BMAL1: variants seen among roughly 807,000 people sequenced by gnomAD.
BMAL1 encodes basic helix-loop-helix ARNT like 1.
At chr11:13,351,567 G>A in the BMAL1 span, among the ~76,000 whole-genome samples, 1 of 152,202 alleles carries the variant, frequency 6.6e-6, no homozygotes, top group African/African-American at 2.4e-5. Flanking sequence ...TAGAGCCCCT[G>A]GAGAGTGTGT....
the BMAL1 span, among the ~76,000 whole-genome samples, chr11:13,334,097 G>A: frequency 6.6e-6 from 1 of 152,124 alleles, no homozygotes; most frequent in Non-Finnish European, 1.5e-5. Context: ...CATATGAGGT[G>A]AGCCCTGTCA....
chr11:13,367,529 C>T, the BMAL1 span, among the ~76,000 whole-genome samples: 10 of 152,050 alleles, frequency 6.6e-5, no homozygotes, highest in African/African-American at 1.4e-4. Flanking sequence ...GGCAAAACCC[C>T]GTCTCTACTA....
the BMAL1 span, chr11:13,387,031 T>C: frequency 9.8e-6 from 3 of 306,088 alleles, no homozygotes; most frequent in African/African-American, 2.1e-5. Context: ...TTGTGTTGAA[T>C]TTTTTAATCA....
At chr11:13,281,895 T>C in the BMAL1 span, among the ~76,000 whole-genome samples, 1 of 152,230 alleles carries the variant, frequency 6.6e-6, no homozygotes, top group Non-Finnish European at 1.5e-5. Flanking sequence ...TTCTTGATTC[T>C]CTTCCTGCAC....
chr11:13,302,314 A>C, the BMAL1 span, among the ~76,000 whole-genome samples: 5 of 152,148 alleles, frequency 3.3e-5, no homozygotes, highest in African/African-American at 7.2e-5. Flanking sequence ...GTGGTGTCCT[A>C]TCCTGGCTGC....
the BMAL1 span, among the ~76,000 whole-genome samples, chr11:13,345,585 G>C: frequency 6.6e-6 from 1 of 152,080 alleles, no homozygotes; most frequent in African/African-American, 2.4e-5. Flanking sequence ...TACTTTGGGG[G>C]GTGGTTTTTG....
At chr11:13,386,612 A>C in the BMAL1 span, 154 of 1,613,036 alleles carry the variant, frequency 9.5e-5, 3 homozygotes, top group South Asian at 6.4e-4. Flanking sequence ...ACCCCCACAT[A>C]GGTATAGACA....
chr11:13,337,244 A>G, the BMAL1 span, among the ~76,000 whole-genome samples: 338 of 152,302 alleles, frequency 2.2e-3, no homozygotes, highest in Non-Finnish European at 3.8e-3. Context: ...CCATCTCACC[A>G]GTTGGAGATG....
At chr11:13,308,634 A>AAAATGC in the BMAL1 span, among the ~76,000 whole-genome samples, 5 of 152,248 alleles carry the variant, frequency 3.3e-5, no homozygotes, top group African/African-American at 1.2e-4. Flanking sequence ...TGGATGTAGC[A>AAAATGC]AAATGCAAGA....
chr11:13,372,499 C>CT, the BMAL1 span: 1 of 1,541,530 alleles, frequency 6.5e-7, no homozygotes, highest in African/African-American at 1.4e-5. Flanking sequence ...CATCAGCTGG[C>CT]TTTTCTAAGA....
At chr11:13,355,901 T>G in the BMAL1 span, among the ~76,000 whole-genome samples, 2 of 152,162 alleles carry the variant, frequency 1.3e-5, no homozygotes, top group Non-Finnish European at 2.9e-5. Flanking sequence ...GGCCATGCTC[T>G]CTCCTTTCCT....
the BMAL1 span, chr11:13,366,912 G>C: frequency 1.8e-6 from 1 of 542,420 alleles, no homozygotes. Flanking sequence ...TCTTTCTGGG[G>C]CACCAGAGCT....
the BMAL1 span, among the ~76,000 whole-genome samples, chr11:13,336,087 G>A: frequency 6.6e-6 from 1 of 152,148 alleles, no homozygotes; most frequent in Non-Finnish European, 1.5e-5. Flanking sequence ...GAAAAGAAAT[G>A]GTTTCATAGC....
the BMAL1 span, among the ~76,000 whole-genome samples, chr11:13,279,065 C>A: frequency 6.6e-6 from 1 of 152,316 alleles, no homozygotes; most frequent in Non-Finnish European, 1.5e-5. Context: ...CCCGCTGCCG[C>A]CGCGCACCCC....
chr11:13,343,359 G>GTCATTCTGCAGTCATTAAAA, the BMAL1 span, among the ~76,000 whole-genome samples: 10 of 152,202 alleles, frequency 6.6e-5, no homozygotes, highest in Admixed American at 6.5e-4. Flanking sequence ...GGGACTCCAA[G>GTCATTCTGCAGTCATTAAAA]TCATTCTGCA....
At chr11:13,365,282 A>AACACACACAC in the BMAL1 span, 1,223 of 182,780 alleles carry the variant, frequency 6.7e-3, 7 homozygotes, top group Middle Eastern at 8.5e-3. Flanking sequence ...GATATGCAGA[A>AACACACACAC]ACACACACAC....
At chr11:13,312,895 TGAA>T in the BMAL1 span, among the ~76,000 whole-genome samples, 1 of 152,186 alleles carries the variant, frequency 6.6e-6, no homozygotes, top group Non-Finnish European at 1.5e-5. Flanking sequence ...TCTGCTGTCG[TGAA>T]GCAGACGTCT....
the BMAL1 span, among the ~76,000 whole-genome samples, chr11:13,312,183 TC>T: frequency 1.3e-5 from 2 of 152,208 alleles, no homozygotes; most frequent in African/African-American, 4.8e-5. Context: ...TTGTGTATCA[TC>T]CCATTTCATC....
At chr11:13,327,581 C>T in the BMAL1 span, among the ~76,000 whole-genome samples, 1 of 152,208 alleles carries the variant, frequency 6.6e-6, no homozygotes, top group Admixed American at 6.5e-5. Context: ...TCCCTTTGAG[C>T]TACTGACCTC....
Sources: gnomAD v4.1 joint callset for allele counts (sites outside exome capture counted in the v4.1 genomes callset) on GRCh38, gnomAD v4.1.1 for gene constraint, MANE v1.5 for transcripts, NCBI Gene and HGNC (gene_info 2026-07-23, HGNC 2026-07-21) for gene names.